Variants in AFAP1 observed in about 807,000 individuals in gnomAD.
AFAP1 encodes the protein actin filament associated protein 1, also known as actin filament-associated protein 1.
AFAP1 carries 75 observed loss-of-function variants against 93.9 expected under a neutral mutation model. That is an observed-to-expected ratio of 0.80 (90% CI 0.66 to 0.97). AFAP1 has a LOEUF of 0.97. Among genes scored for constraint, AFAP1 ranks in the 50% least tolerant of loss-of-function variants. The probability of loss-of-function intolerance (pLI) is 0.00; values close to 1 mark genes in which losing one functional copy is unlikely to be tolerated. For synonymous variants in AFAP1, 517 were observed against 430.7 expected (o/e 1.20, Z -2.48); for missense variants, 1,201 against 1,050.8 (o/e 1.14, Z -1.98).
At chr4:7,871,364 G>A (rs1340956784) in intron 2 of AFAP1, among the ~76,000 whole-genome samples, 1 of 152,178 alleles carries the variant, frequency 6.6e-6, no homozygotes, top group Non-Finnish European at 1.5e-5. Context: ...CTGAAACCCT[G>A]CCTGTCCTGG....
intron 1 of AFAP1, among the ~76,000 whole-genome samples, chr4:7,919,154 C>T (rs563447329): frequency 1.3e-5 from 2 of 152,294 alleles, no homozygotes; most frequent in Admixed American, 1.3e-4. Flanking sequence ...CTCAGCCCGG[C>T]CCCCGGAAAG....
chr4:7,768,506 C>G (rs1030524325), intron 17 of AFAP1, among the ~76,000 whole-genome samples: 1 of 152,110 alleles, frequency 6.6e-6, no homozygotes, highest in Non-Finnish European at 1.5e-5. Context: ...AGGACTTCAG[C>G]GGTCTCCTGG....
intron 6 of AFAP1, among the ~76,000 whole-genome samples, chr4:7,833,824 G>A (rs1394512813): frequency 1.3e-5 from 2 of 151,992 alleles, no homozygotes; most frequent in Non-Finnish European, 2.9e-5. Flanking sequence ...TCCTGACCTT[G>A]TGATCTGCCT....
chr4:7,779,746 A>T (rs1208684315), intron 13 of AFAP1, among the ~76,000 whole-genome samples: 1 of 152,186 alleles, frequency 6.6e-6, no homozygotes, highest in Admixed American at 6.5e-5. Context: ...AAAAACATAA[A>T]GAGATACCTC....
chr4:7,762,979 T>C lies in AFAP1; in HGVS notation c.*786A>G, dbSNP rs530672780. 2 of 152,174 alleles carry C rather than the reference T, an allele frequency of 1.3e-5. No homozygotes were observed. Among genetic ancestry groups the C allele is most frequent in the African/African-American group, 2.4e-5 (1 of 41,494 alleles). 9.4% of individuals were successfully genotyped at this position (152,174 alleles called of 1,614,324 possible). A position where few individuals can be genotyped will look rare whatever the true frequency, so the allele number is the denominator to read the frequency against. ...AAGGGGGAGGAGGGTGTACTGTTAGTGAAGTATTAAAACCCTCTGCTACCT... is the reference window on the plus strand; with the variant it reads ...AAGGGGGAGGAGGGTGTACTGTTAGCGAAGTATTAAAACCCTCTGCTACCT... On this transcript the variant is annotated 3_prime_UTR_variant, in exon 18 of 18. Coordinates refer to ENST00000420658, the MANE Select transcript of AFAP1 (RefSeq NM_001134647.2).
intron 1 of AFAP1, among the ~76,000 whole-genome samples, chr4:7,938,207 A>C (rs1721505825): frequency 6.6e-6 from 1 of 151,712 alleles, no homozygotes; most frequent in African/African-American, 2.4e-5. Context: ...AGAAAGCAAA[A>C]GGGCCCGCAT....
At chr4:7,844,560 C>T (rs1433820804) in intron 4 of AFAP1, among the ~76,000 whole-genome samples, 1 of 152,222 alleles carries the variant, frequency 6.6e-6, no homozygotes, top group Non-Finnish European at 1.5e-5. Context: ...CTGGCCCCCA[C>T]TGCAGGCTGT....
chr4:7,934,365 C>T (rs1046429994), intron 1 of AFAP1, among the ~76,000 whole-genome samples: 2 of 152,244 alleles, frequency 1.3e-5, no homozygotes, highest in Non-Finnish European at 2.9e-5. Context: ...AACTCCAGCT[C>T]TCCACGTGTG....
intron 1 of AFAP1, among the ~76,000 whole-genome samples, chr4:7,934,644 C>T (rs967685249): frequency 6.6e-6 from 1 of 152,152 alleles, no homozygotes; most frequent in African/African-American, 2.4e-5. Context: ...ACACCGCACA[C>T]ACAGCTTCTG....
At chr4:7,913,254 G>T (rs1322420650) in intron 1 of AFAP1, among the ~76,000 whole-genome samples, 1 of 152,040 alleles carries the variant, frequency 6.6e-6, no homozygotes, top group Non-Finnish European at 1.5e-5. Context: ...GCTAGGCATG[G>T]TGTTGCACAC....
At chr4:7,904,056 T>C (rs1182668250) in intron 1 of AFAP1, among the ~76,000 whole-genome samples, 1 of 152,172 alleles carries the variant, frequency 6.6e-6, no homozygotes, top group Non-Finnish European at 1.5e-5. Context: ...TTTTTCCATG[T>C]TTTGCTGAAT....
chr4:7,796,760 A>C lies in AFAP1; in HGVS notation c.1267-2934T>G, dbSNP rs540953837. ...AGTGAGACTTGTCTCAAAAAAAAAA[A>C]AACAAAAAAAAACTATGGGTTGGGC... On this transcript the variant is annotated intron_variant, in intron 10 of 17. Transcript: ENST00000420658. Among the ~76,000 whole-genome samples the C allele has an allele frequency of 6.2e-3, 898 of 145,586 alleles. 7 individuals carry two copies. Among genetic ancestry groups the C allele is most frequent in the Non-Finnish European group, 0.011 (730 of 66,454 alleles).
Position 7,895,852 on chromosome 4 carries a change from G to GTTT in AFAP1, c.-2-23775_-2-23773dup, listed in dbSNP as rs35666187. 8.1e-3 allele frequency among the ~76,000 whole-genome samples: 895 copies of GTTT among 110,522 alleles called. 12 individuals are homozygous for GTTT. The highest frequency in any genetic ancestry group is 0.021 in the Middle Eastern group (4 of 190). 72.5% of individuals were successfully genotyped at this position (110,522 alleles called of 152,430 possible). On this transcript the variant is annotated intron_variant, in intron 1 of 17. Coordinates refer to ENST00000420658, the MANE Select transcript of AFAP1 (RefSeq NM_001134647.2). ...CATGGAAGTGTGTGTTCTTCAGAAA[G>GTTT]TTTTTTTTTTTTTTTTTTTTTTTAA...
chr4:7,919,339 C>T (rs1452024993), intron 1 of AFAP1, among the ~76,000 whole-genome samples: 1 of 152,210 alleles, frequency 6.6e-6, no homozygotes, highest in Non-Finnish European at 1.5e-5. Flanking sequence ...CTTCAGTCAG[C>T]GTCTGTACAC....
chr4:7,875,333 C>CCAG (rs1246444237), intron 1 of AFAP1, among the ~76,000 whole-genome samples: 2 of 152,168 alleles, frequency 1.3e-5, no homozygotes, highest in Non-Finnish European at 2.9e-5. Context: ...GGATGTGGCA[C>CCAG]CAGCAGTTCA....
chr4:7,822,615 C>T (rs766622736), intron 6 of AFAP1, among the ~76,000 whole-genome samples: 4 of 140,724 alleles, frequency 2.8e-5, no homozygotes, highest in East Asian at 4.1e-4. Flanking sequence ...GACAGAGTCT[C>T]GCTCTGTCGC....
chr4:7,850,179 G>C (rs1714276704), intron 4 of AFAP1, among the ~76,000 whole-genome samples: 1 of 152,170 alleles, frequency 6.6e-6, no homozygotes, highest in Non-Finnish European at 1.5e-5. Context: ...GAGACTCAGT[G>C]TCTTTAAGAT....
At chr4:7,877,279 C>T (rs1177558717) in intron 1 of AFAP1, among the ~76,000 whole-genome samples, 1 of 152,218 alleles carries the variant, frequency 6.6e-6, no homozygotes, top group East Asian at 1.9e-4. Context: ...CATTTTCTCA[C>T]AACGGGTCCT....
At chr4:7,856,328 T>C (rs1002117911) in intron 3 of AFAP1, among the ~76,000 whole-genome samples, 3 of 152,192 alleles carry the variant, frequency 2.0e-5, no homozygotes, top group African/African-American at 7.2e-5. Flanking sequence ...CTGCAAGCTC[T>C]GCCTCCTGGG....
Sources: gnomAD v4.1 joint callset for allele counts (sites outside exome capture counted in the v4.1 genomes callset) on GRCh38, gnomAD v4.1.1 for gene constraint, MANE v1.5 for transcripts, NCBI Gene and HGNC (gene_info 2026-07-23, HGNC 2026-07-21) for gene names.